The following SUMF1 variants were observed in gnomAD, a reference collection of about 807,000 sequenced individuals.
SUMF1 encodes the protein formylglycine-generating enzyme.
A neutral mutation model predicts 47.6 loss-of-function variants in SUMF1; 48 were observed. That is an observed-to-expected ratio of 1.01 (90% CI 0.80 to 1.28). The LOEUF is 1.28. Ranked by LOEUF, SUMF1 falls within the 50% of genes most tolerant of loss-of-function variation. The probability of loss-of-function intolerance (pLI) is 0.00; values close to 1 mark genes in which losing one functional copy is unlikely to be tolerated. For missense variants in SUMF1, 571 were observed against 485.4 expected, an observed-to-expected ratio of 1.18 and a Z score of -1.66; for synonymous variants, 230 against 192.1, an observed-to-expected ratio of 1.20 and a Z score of -1.63.
At chr3:4,224,109 G>C (rs1373883867) in intron 8 of SUMF1, among the ~76,000 whole-genome samples, 1 of 152,080 alleles carries the variant, frequency 6.6e-6, no homozygotes, top group Non-Finnish European at 1.5e-5. Flanking sequence ...GGGGAACAGT[G>C]CAAGGACCTC....
chr3:4,224,255 A>T (rs1696128066), intron 8 of SUMF1, among the ~76,000 whole-genome samples: 1 of 152,114 alleles, frequency 6.6e-6, no homozygotes, highest in African/African-American at 2.4e-5. Context: ...TTAGGAAAAG[A>T]CCTGGAAAGG....
chr3:4,320,627 A>G (rs1439707439), intron 8 of SUMF1, among the ~76,000 whole-genome samples: 1 of 152,188 alleles, frequency 6.6e-6, no homozygotes, highest in African/African-American at 2.4e-5. Context: ...TCTTATGTAA[A>G]TAAAGTCTCT....
At chr3:4,035,106 G>C (rs1363573599) in intron 9 of SUMF1, among the ~76,000 whole-genome samples, 1 of 152,002 alleles carries the variant, frequency 6.6e-6, no homozygotes, top group Non-Finnish European at 1.5e-5. Context: ...AATAAAGTGG[G>C]GGACATTTTG....
intron 3 of SUMF1, among the ~76,000 whole-genome samples, chr3:4,421,587 C>T (rs1701899460): frequency 6.6e-6 from 1 of 152,168 alleles, no homozygotes; most frequent in Non-Finnish European, 1.5e-5. Flanking sequence ...TCAAGTGATC[C>T]TCCCGCCTCA....
chr3:4,354,957 T>G (rs1467438559), intron 8 of SUMF1, among the ~76,000 whole-genome samples: 2 of 152,234 alleles, frequency 1.3e-5, no homozygotes, highest in African/African-American at 4.8e-5. Flanking sequence ...AGGACATTGC[T>G]TGCCTTACAG....
At chr3:4,435,543 A>T (rs1260161624) in intron 3 of SUMF1, among the ~76,000 whole-genome samples, 1 of 152,216 alleles carries the variant, frequency 6.6e-6, no homozygotes, top group Non-Finnish European at 1.5e-5. Context: ...CACATACAAG[A>T]ATCTCAAGAA....
chr3:4,354,284 T>C (rs1699571032), intron 8 of SUMF1, among the ~76,000 whole-genome samples: 1 of 152,172 alleles, frequency 6.6e-6, no homozygotes, highest in African/African-American at 2.4e-5. Flanking sequence ...ACAACTATTC[T>C]CTAAAACTGA....
At chr3:4,291,375 CT>C (rs1440121289) in intron 8 of SUMF1, among the ~76,000 whole-genome samples, 2 of 152,118 alleles carry the variant, frequency 1.3e-5, no homozygotes, top group Admixed American at 6.6e-5. Context: ...CTCTCTCCCC[CT>C]CATCTCTGCT....
chr3:4,318,763 CT>C (rs1470803150), intron 8 of SUMF1, among the ~76,000 whole-genome samples: 5 of 152,150 alleles, frequency 3.3e-5, no homozygotes, highest in Admixed American at 3.3e-4. Flanking sequence ...CAAAAATAAG[CT>C]GGGCATAGTG....
intron 8 of SUMF1, among the ~76,000 whole-genome samples, chr3:4,102,073 C>A (rs1182454236): frequency 1.3e-5 from 2 of 152,268 alleles, no homozygotes; most frequent in East Asian, 3.9e-4. Context: ...GTAACTGCCT[C>A]CATGACTCAA....
chr3:4,063,319 A>T (rs1487541455), intron 9 of SUMF1, among the ~76,000 whole-genome samples: 1 of 152,104 alleles, frequency 6.6e-6, no homozygotes, highest in Non-Finnish European at 1.5e-5. Context: ...ATTTTCTGAT[A>T]AGCTACTGCA....
intron 8 of SUMF1, among the ~76,000 whole-genome samples, chr3:4,106,773 A>G (rs1693167701): frequency 6.6e-6 from 1 of 152,080 alleles, no homozygotes; most frequent in Admixed American, 6.6e-5. Flanking sequence ...TCTTCAATTA[A>G]CTGAAGATGT....
At chr3:4,302,826 A>C (rs1698003919) in intron 8 of SUMF1, among the ~76,000 whole-genome samples, 1 of 152,102 alleles carries the variant, frequency 6.6e-6, no homozygotes. Flanking sequence ...GTGAGGGTAG[A>C]GGGATGGAGA....
chr3:4,257,390 G>A (rs1258676194), intron 8 of SUMF1, among the ~76,000 whole-genome samples: 1 of 145,218 alleles, frequency 6.9e-6, no homozygotes, highest in Non-Finnish European at 1.5e-5. Context: ...ATCTCCTTAA[G>A]CTGATAAGCA....
chr3:4,382,820 A>T (rs1295991216), intron 7 of SUMF1, among the ~76,000 whole-genome samples: 1 of 152,182 alleles, frequency 6.6e-6, no homozygotes, highest in Non-Finnish European at 1.5e-5. Context: ...TAACAATAGA[A>T]CAGAAAACCA....
chr3:4,067,820 G>A (rs1337960727), intron 9 of SUMF1, among the ~76,000 whole-genome samples: 3 of 152,156 alleles, frequency 2.0e-5, no homozygotes, highest in Non-Finnish European at 4.4e-5. Context: ...ATTGTCAAGA[G>A]AGCCCTTTGG....
At chr3:4,412,698 A>C (rs1182350167) in intron 6 of SUMF1, among the ~76,000 whole-genome samples, 1 of 152,192 alleles carries the variant, frequency 6.6e-6, no homozygotes, top group South Asian at 2.1e-4. Flanking sequence ...AGCCTGGCCA[A>C]CATGGTCAAA....
intron 8 of SUMF1, among the ~76,000 whole-genome samples, chr3:4,259,792 T>A (rs950698009): frequency 2.0e-5 from 3 of 152,202 alleles, no homozygotes; most frequent in Non-Finnish European, 2.9e-5. Flanking sequence ...AAGTATCATT[T>A]GCACCAAGGA....
At chr3:4,255,442 A>C (rs1447903008) in intron 8 of SUMF1, among the ~76,000 whole-genome samples, 24 of 106,766 alleles carry the variant, frequency 2.2e-4, no homozygotes, top group African/African-American at 8.1e-4. Context: ...AACGGAAAAC[A>C]AAAAAAGGCA....
Sources: allele counts gnomAD v4.1 joint callset (sites outside exome capture counted in the v4.1 genomes callset), GRCh38; gene constraint gnomAD v4.1.1; transcripts MANE v1.5; gene names NCBI Gene and HGNC (gene_info 2026-07-23, HGNC 2026-07-21).